The following GALNTL6 variants were observed in gnomAD, a reference collection of about 807,000 sequenced individuals.
The protein encoded by GALNTL6 is polypeptide N-acetylgalactosaminyltransferase like 6.
GALNTL6 carries 46 observed loss-of-function variants against 73.7 expected under a neutral mutation model. The observed-to-expected ratio is 0.62, with a 90% CI of 0.49 to 0.80. The LOEUF is 0.80. Ranked by LOEUF, GALNTL6 falls within the 30% of genes least tolerant of loss-of-function variation. GALNTL6 has a pLI of 0.00. For missense variants in GALNTL6, 604 were observed against 755.0 expected (o/e 0.80, Z 2.34); for synonymous variants, 259 against 263.7 (o/e 0.98, Z 0.17).
intron 5 of GALNTL6, among the ~76,000 whole-genome samples, chr4:172,773,978 GA>G (rs34044056): frequency 0.53 from 78,860 of 149,964 alleles, 21,375 homozygotes; most frequent in East Asian, 0.78. Context: ...AGACTTAAGG[GA>G]AAAAAAAAAG....
chr4:172,855,329 T>G (rs1005939944), intron 7 of GALNTL6, among the ~76,000 whole-genome samples: 1 of 152,186 alleles, frequency 6.6e-6, no homozygotes, highest in Admixed American at 6.5e-5. Context: ...TAGTATTTTG[T>G]ATTTATTTTG....
chr4:172,369,701 A>G (rs557344409), intron 5 of GALNTL6, among the ~76,000 whole-genome samples: 56 of 152,130 alleles, frequency 3.7e-4, no homozygotes, highest in Non-Finnish European at 6.8e-4. Context: ...CCCTCTGCAG[A>G]TGCTGGCCCA....
intron 5 of GALNTL6, among the ~76,000 whole-genome samples, chr4:172,417,733 T>G (rs1388384981): frequency 6.6e-6 from 1 of 152,192 alleles, no homozygotes; most frequent in Admixed American, 6.6e-5. Context: ...TTCTTGACTT[T>G]TTGTATGCTG....
At chr4:172,788,582 G>T (rs1005742335) in intron 5 of GALNTL6, among the ~76,000 whole-genome samples, 1 of 147,338 alleles carries the variant, frequency 6.8e-6, no homozygotes, top group Admixed American at 7.0e-5. Flanking sequence ...TGAGGCAGGA[G>T]AATGCCGTGA....
chr4:172,583,139 T>TAC (rs143838483), intron 5 of GALNTL6, among the ~76,000 whole-genome samples: 1 of 148,176 alleles, frequency 6.7e-6, no homozygotes, highest in Non-Finnish European at 1.5e-5. Flanking sequence ...AATTCACACA[T>TAC]ACACACACAC....
intron 2 of GALNTL6, among the ~76,000 whole-genome samples, chr4:171,939,309 C>A (rs548135942): frequency 1.4e-4 from 22 of 151,958 alleles, no homozygotes; most frequent in African/African-American, 5.3e-4. Flanking sequence ...GATAAGCCAT[C>A]AATAGGTTTA....
At chr4:172,175,229 A>G (rs1734953868) in intron 2 of GALNTL6, among the ~76,000 whole-genome samples, 1 of 152,076 alleles carries the variant, frequency 6.6e-6, no homozygotes, top group South Asian at 2.1e-4. Flanking sequence ...GGCATGCACC[A>G]CCATACCTGG....
chr4:172,321,968 A>G (rs1001831253), intron 4 of GALNTL6, among the ~76,000 whole-genome samples: 1 of 152,184 alleles, frequency 6.6e-6, no homozygotes, highest in Non-Finnish European at 1.5e-5. Context: ...AGTGAGCCCA[A>G]GCATGCACAC....
chr4:172,398,135 T>G (rs1743915633), intron 5 of GALNTL6, among the ~76,000 whole-genome samples: 1 of 152,182 alleles, frequency 6.6e-6, no homozygotes, highest in Non-Finnish European at 1.5e-5. Context: ...AATTTCACAT[T>G]AACAAAATTC....
intron 5 of GALNTL6, among the ~76,000 whole-genome samples, chr4:172,765,335 T>G (rs1316940905): frequency 6.6e-6 from 1 of 152,136 alleles, no homozygotes; most frequent in Non-Finnish European, 1.5e-5. Context: ...TATTAGAAAA[T>G]TTAGTTTCAT....
rs576671198 is a variant in GALNTL6, at chr4:171,851,209, A to G, written c.138+36491A>G. Among the ~76,000 whole-genome samples the G allele has an allele frequency of 2.6e-5, 4 of 152,330 alleles. No homozygotes were observed. The South Asian group carries it at 8.3e-4, about 32-fold the overall frequency. On this transcript the variant is annotated intron_variant, in intron 2 of 12. Transcript: ENST00000506823. The stretch of plus-strand genomic sequence containing the variant: ...TAGAACTAAGTTCATACTCTGCTTT[A>G]CTTTTCCATCTCATATTTTAAGCTG...
At chr4:172,020,963 G>A (rs112876675) in intron 2 of GALNTL6, among the ~76,000 whole-genome samples, 3 of 152,200 alleles carry the variant, frequency 2.0e-5, no homozygotes, top group African/African-American at 7.2e-5. Flanking sequence ...TCATGACCAT[G>A]TGGAATTTAT....
intron 5 of GALNTL6, among the ~76,000 whole-genome samples, chr4:172,353,330 T>C (rs1578985840): frequency 6.6e-6 from 1 of 152,192 alleles, no homozygotes; most frequent in Middle Eastern, 3.4e-3. Context: ...CAGTGAATAA[T>C]ATGGGTGCAA....
intron 2 of GALNTL6, among the ~76,000 whole-genome samples, chr4:172,172,505 C>G (rs992123881): frequency 3.3e-5 from 5 of 151,958 alleles, no homozygotes; most frequent in Admixed American, 2.6e-4. Flanking sequence ...CTATGACTAG[C>G]ATTTTTAAAG....
intron 2 of GALNTL6, among the ~76,000 whole-genome samples, chr4:171,894,108 C>T (rs1315572169): frequency 6.6e-6 from 1 of 152,088 alleles, no homozygotes; most frequent in Non-Finnish European, 1.5e-5. Flanking sequence ...GTAAAATAAT[C>T]GGATGTAGTA....
At chr4:172,502,648 A>G (rs184736474) in intron 5 of GALNTL6, among the ~76,000 whole-genome samples, 1 of 152,352 alleles carries the variant, frequency 6.6e-6, no homozygotes, top group African/African-American at 2.4e-5. Context: ...TTTAAGCACC[A>G]TGACTTTCCA....
intron 7 of GALNTL6, among the ~76,000 whole-genome samples, chr4:172,880,902 A>G (rs916789713): frequency 6.6e-6 from 1 of 152,136 alleles, no homozygotes; most frequent in Non-Finnish European, 1.5e-5. Context: ...AAACAAGATT[A>G]TTGTGTTTCT....
At chr4:171,996,070 C>T (rs1268249435) in intron 2 of GALNTL6, among the ~76,000 whole-genome samples, 1 of 152,028 alleles carries the variant, frequency 6.6e-6, no homozygotes, top group Non-Finnish European at 1.5e-5. Context: ...TCATCCTGCC[C>T]ACTTGCTTAC....
intron 2 of GALNTL6, among the ~76,000 whole-genome samples, chr4:172,096,084 C>CTGTGTGTGTGTG (rs138495979): frequency 0.011 from 1,560 of 147,170 alleles, 12 homozygotes; most frequent in Non-Finnish European, 0.013. Context: ...CTCTCTCTTT[C>CTGTGTGTGTGTG]TGTGTGTGTG....
Sources: allele counts gnomAD v4.1 joint callset (sites outside exome capture counted in the v4.1 genomes callset), GRCh38; gene constraint gnomAD v4.1.1; transcripts MANE v1.5; gene names NCBI Gene and HGNC (gene_info 2026-07-23, HGNC 2026-07-21).